Variants in ZNF138 observed in about 807,000 individuals in gnomAD.
ZNF138 encodes the protein zinc finger protein 138 (clone pHZ-32).
Under a neutral mutation model 33.0 loss-of-function variants are expected in ZNF138, and 33 were observed. The ratio of observed to expected loss-of-function variants is 1.00; its 90% CI spans 0.76 to 1.34. The LOEUF is 1.34. ZNF138 is among the 40% of genes most tolerant of loss of function. The pLI is 0.00. For missense variants in ZNF138, 360 were observed against 370.8 expected, an observed-to-expected ratio of 0.97 and a Z score of 0.24; for synonymous variants, 139 against 120.4, an observed-to-expected ratio of 1.15 and a Z score of -1.01.
At position 64,826,924 on chromosome 7, in the gene ZNF138, A is replaced by C. The variant is rs575919190; in HGVS notation, c.209-4527A>C. ...CTCGGCCTCCCAAAGTGCTGGGATTACAGGTGTGAGCCACTGTGCCTGGCC... is the reference window on the plus strand; with the variant it reads ...CTCGGCCTCCCAAAGTGCTGGGATTCCAGGTGTGAGCCACTGTGCCTGGCC... On this transcript the variant is annotated intron_variant, in intron 3 of 3. Transcript: ENST00000307355. 2.1e-4 allele frequency among the ~76,000 whole-genome samples: 32 copies of C among 152,308 alleles called. 1 individual carries two copies. Among genetic ancestry groups the C allele is most frequent in the Admixed American group, 1.9e-3 (29 of 15,298 alleles).
chr7:64,850,305 G>T, the ZNF138 span, among the ~76,000 whole-genome samples: 1 of 152,212 alleles, frequency 6.6e-6, no homozygotes, highest in African/African-American at 2.4e-5. Flanking sequence ...TTGGCTGTCT[G>T]CCAGGTCCTG....
chr7:64,831,894 A>G lies in ZNF138; in HGVS notation c.652A>G (p.Thr218Ala). 2 of 1,613,950 alleles carry G rather than the reference A, an allele frequency of 1.2e-6. No homozygotes were observed. Among genetic ancestry groups the G allele is most frequent in the Non-Finnish European group, 1.7e-6 (2 of 1,179,900 alleles). ...TNLSKPKKIH[T>A]GEKPYKCEVC... ...CCTTTCTAAACCTAAGAAAATTCAT[A>G]CTGGAGAAAAACCCTACAAATGTGA... The change falls in exon 4 of 4, where the codon ACT becomes GCT. Residue 218 changes from threonine (T) to alanine (A), a missense_variant. By Grantham distance (58) the Thr-to-Ala change is moderately conservative. Transcript: ENST00000307355.
intron 3 of ZNF138, among the ~76,000 whole-genome samples, chr7:64,817,251 A>C (rs1351604548): frequency 2.0e-5 from 3 of 151,802 alleles, no homozygotes; most frequent in Non-Finnish European, 4.4e-5. Context: ...CATGGCGGTA[A>C]ATGCGTGTCT....
At chr7:64,811,542 C>T (rs1328197253) in intron 1 of ZNF138, among the ~76,000 whole-genome samples, 2 of 152,138 alleles carry the variant, frequency 1.3e-5, no homozygotes, top group Non-Finnish European at 2.9e-5. Flanking sequence ...GACAGGGTTT[C>T]ACCATGTTGG....
At chr7:64,838,359 T>C (rs1009818349), downstream of ZNF138, among the ~76,000 whole-genome samples, 5 of 152,050 alleles carry the variant, frequency 3.3e-5, no homozygotes, top group African/African-American at 1.2e-4. Flanking sequence ...ATTGCCACAC[T>C]TGAAACAGTT....
chr7:64,837,287 C>A (rs763734507), downstream of ZNF138, among the ~76,000 whole-genome samples: 4 of 152,078 alleles, frequency 2.6e-5, no homozygotes, highest in African/African-American at 9.7e-5. Flanking sequence ...ATGTAGGGGC[C>A]TTTCCACGGG....
intron 3 of ZNF138, chr7:64,831,023 A>C: frequency 6.4e-7 from 1 of 1,551,966 alleles, no homozygotes; most frequent in Non-Finnish European, 8.7e-7. Flanking sequence ...ACTTTATGTC[A>C]TGGGAAACAG....
the ZNF138 span, among the ~76,000 whole-genome samples, chr7:64,839,836 T>C: frequency 6.6e-6 from 1 of 152,034 alleles, no homozygotes; most frequent in Non-Finnish European, 1.5e-5. Flanking sequence ...AAGGGCACCA[T>C]GGATCAATAA....
At chr7:64,805,679 T>C (rs1562891325) in intron 1 of ZNF138, among the ~76,000 whole-genome samples, 1 of 152,210 alleles carries the variant, frequency 6.6e-6, no homozygotes, top group East Asian at 1.9e-4. Context: ...TGTAGCCCAG[T>C]GCTCAGGGCG....
chr7:64,852,714 C>A, the ZNF138 span: 1 of 1,147,152 alleles, frequency 8.7e-7, no homozygotes, highest in Non-Finnish European at 1.3e-6. Context: ...TTAGGAATAT[C>A]CAGCCACTGA....
At chr7:64,826,873 C>T (rs1789659681) in intron 3 of ZNF138, among the ~76,000 whole-genome samples, 1 of 152,066 alleles carries the variant, frequency 6.6e-6, no homozygotes, top group Admixed American at 6.6e-5. Context: ...TAGTCTCAAA[C>T]TTCTGGCCTC....
At chr7:64,839,867 A>G in the ZNF138 span, among the ~76,000 whole-genome samples, 146 of 151,478 alleles carry the variant, frequency 9.6e-4, 1 homozygote, top group African/African-American at 2.9e-3. Flanking sequence ...CGAGACAAAG[A>G]GGGCAAAAAT....
rs1786527921 is a variant in ZNF138 at position 64,794,507 on chromosome 7, G to GC, written c.-61dup. 6.2e-7 allele frequency: 1 copy of GC among 1,609,670 alleles called. No homozygotes were observed. Among genetic ancestry groups the GC allele is most frequent in the South Asian group, 1.1e-5 (1 of 91,046 alleles). On this transcript the variant is annotated 5_prime_UTR_variant, in exon 1 of 4. Transcript: ENST00000307355. ...CTCCTAGAGGCCCAGCCTCTGTGGC[G>GC]CTGTGATCTGGTTATTGGGAGATTC...
the ZNF138 span, among the ~76,000 whole-genome samples, chr7:64,841,566 G>A: frequency 6.6e-6 from 1 of 152,168 alleles, no homozygotes; most frequent in African/African-American, 2.4e-5. Context: ...GATAACAATT[G>A]TTTTCATGCT....
chr7:64,812,448 CTG>C (rs1250098997), intron 1 of ZNF138, among the ~76,000 whole-genome samples: 1 of 152,188 alleles, frequency 6.6e-6, no homozygotes, highest in East Asian at 1.9e-4. Context: ...GTGTGATCCA[CTG>C]TGCCCAGCCT....
Position 64,831,796 on chromosome 7 carries a change from A to G in ZNF138, c.554A>G (p.His185Arg). Residue 185 changes from histidine (H) to arginine (R), a missense_variant, in exon 4 of 4, where the codon CAT becomes CGT. Transcript: ENST00000307355. ...SLCMLSRLTQ[H>R]KKIHTRENFY... is the part of the protein sequence containing the mutation. The stretch of plus-strand genomic sequence containing the variant: ...TGCATGCTTTCACGCCTAACTCAAC[A>G]TAAAAAAATTCATACTAGAGAGAAT... 1 of 1,613,560 alleles carries G rather than the reference A, an allele frequency of 6.2e-7. No individual in the cohort carries two copies. The highest frequency in any genetic ancestry group is 8.5e-7 in the Non-Finnish European group (1 of 1,179,892).
chr7:64,812,629 C>T (rs1349766690), intron 1 of ZNF138, among the ~76,000 whole-genome samples: 2 of 152,206 alleles, frequency 1.3e-5, no homozygotes, highest in South Asian at 2.1e-4. Context: ...TTCCATAGAG[C>T]AGCTTATTGT....
At chr7:64,849,954 G>A in the ZNF138 span, among the ~76,000 whole-genome samples, 6 of 152,110 alleles carry the variant, frequency 3.9e-5, no homozygotes, top group Non-Finnish European at 7.4e-5. Context: ...CACCCTTTCC[G>A]AATTTCTGGT....
At chr7:64,815,132 A>T (rs905336951) in intron 2 of ZNF138, 88 bp downstream of exon 2, 109 of 1,291,540 alleles carry the variant, frequency 8.4e-5, no homozygotes, top group Non-Finnish European at 1.1e-4. Context: ...TTGGTAATTT[A>T]TGCTTTGCAT....
Sources: allele counts gnomAD v4.1 joint callset (sites outside exome capture counted in the v4.1 genomes callset), GRCh38; gene constraint gnomAD v4.1.1; transcripts MANE v1.5; gene names NCBI Gene and HGNC (gene_info 2026-07-23, HGNC 2026-07-21).